ABCG1: variants seen among roughly 807,000 people sequenced by gnomAD.
ABCG1 encodes ATP-binding cassette sub-family G member 1.
In ABCG1, 29 loss-of-function variants were observed where a neutral mutation model predicts 69.2. The observed-to-expected ratio is 0.42, with a 90% confidence interval of 0.31 to 0.57. The LOEUF is 0.57. Ranked by LOEUF, ABCG1 falls within the 20% of genes least tolerant of loss-of-function variation. ABCG1 has a pLI of 0.15. For missense variants in ABCG1, 718 were observed against 898.1 expected, an observed-to-expected ratio of 0.80 and a Z score of 2.56; for synonymous variants, 370 against 374.8, an observed-to-expected ratio of 0.99 and a Z score of 0.15.
chr21:42,264,410 C>G (rs1333472934), intron 2 of ABCG1, among the ~76,000 whole-genome samples: 1 of 152,166 alleles, frequency 6.6e-6, no homozygotes, highest in African/African-American at 2.4e-5. Flanking sequence ...TCCATCCATC[C>G]TTCCATCCAT....
intron 2 of ABCG1, chr21:42,256,720 G>A: frequency 1.4e-6 from 2 of 1,403,244 alleles, no homozygotes; most frequent in Non-Finnish European, 1.9e-6. Flanking sequence ...TGGGAGCATT[G>A]CAGGAATAGG....
upstream of ABCG1, among the ~76,000 whole-genome samples, chr21:42,212,298 G>A (rs2067596526): frequency 6.6e-6 from 1 of 152,204 alleles, no homozygotes; most frequent in Non-Finnish European, 1.5e-5. Context: ...GCAGAGGCTG[G>A]AAGAGTTTAG....
chr21:42,225,768 A>G lies in ABCG1; in HGVS notation c.140A>G (p.Asp47Gly). 6.2e-7 allele frequency: 1 copy of G among 1,613,876 alleles called. No homozygotes were observed. Among genetic ancestry groups the G allele is most frequent in the Non-Finnish European group, 8.5e-7 (1 of 1,179,974 alleles). Residue 47 changes from aspartate to glycine, a missense_variant, in exon 2 of 15, where the codon GAC (aspartate) becomes GGC (glycine). By Grantham distance (94) the Asp-to-Gly change is moderately conservative. Around this residue, in one of 2 missense-constraint regions of ABCG1, gnomAD observed 514 missense variants for 574.3 expected, o/e 0.90. Coordinates refer to ENST00000398449, the MANE Select transcript of ABCG1 (RefSeq NM_016818.3). ...VSSNMEATET[D>G]LLNGHLKKVD... ...AGCAACATGGAGGCCACTGAGACGG[A>G]CCTGCTGAATGGACATCTGAAAAAA...
At chr21:42,243,445 C>CGTGTGTGTGTGT (rs1332190376) in intron 2 of ABCG1, among the ~76,000 whole-genome samples, 1 of 79,662 alleles carries the variant, frequency 1.3e-5, no homozygotes, top group Non-Finnish European at 2.9e-5. Flanking sequence ...CGTGTGTGTG[C>CGTGTGTGTGTGT]GCGTGTGTGT....
At chr21:42,265,639 C>T (rs1251454358) in intron 2 of ABCG1, among the ~76,000 whole-genome samples, 1 of 152,182 alleles carries the variant, frequency 6.6e-6, no homozygotes. Context: ...GACTTCCAGC[C>T]TCCGGGGCTG....
At chr21:42,243,453 T>C (rs8133786) in intron 2 of ABCG1, among the ~76,000 whole-genome samples, 1,881 of 109,586 alleles carry the variant, frequency 0.017, 37 homozygotes, top group African/African-American at 0.079. Context: ...TGCGCGTGTG[T>C]GTGTGTGTGT....
At chr21:42,215,490 G>C (rs1326646841), upstream of ABCG1, among the ~76,000 whole-genome samples, 11 of 152,374 alleles carry the variant, frequency 7.2e-5, no homozygotes, top group East Asian at 1.9e-3. Flanking sequence ...TCAACTGGGT[G>C]ATGCTGTTGG....
intron 5 of ABCG1, 124 bp downstream of exon 5, chr21:42,277,069 C>T (rs1038587117): frequency 6.0e-5 from 62 of 1,031,268 alleles, no homozygotes; most frequent in African/African-American, 5.6e-4. Flanking sequence ...CCTTGCCTTC[C>T]GTGTGTGGGA....
intron 2 of ABCG1, among the ~76,000 whole-genome samples, chr21:42,238,694 G>A (rs1028297848): frequency 1.3e-5 from 2 of 152,156 alleles, no homozygotes; most frequent in African/African-American, 2.4e-5. Context: ...TTTGGCTCAC[G>A]GGCGAGGTTG....
chr21:42,202,968 G>C (rs147956648), intron 2 of ABCG1, among the ~76,000 whole-genome samples: 2,219 of 152,186 alleles, frequency 0.015, 59 homozygotes, highest in African/African-American at 0.05. Context: ...CAAAAGGACA[G>C]ACACAAAGAC....
Position 42,292,086 on chromosome 21 carries a change from G to T in ABCG1, c.1653+430G>T, listed in dbSNP as rs557731490. On this transcript the variant is annotated intron_variant, in intron 13 of 14. Coordinates refer to ENST00000398449, the MANE Select transcript of ABCG1 (RefSeq NM_016818.3). ...TGTGGGGTTCCCTCGGCCTCTCCAT[G>T]GGCCCCTTCCTCCTCCCATCGCCCA... 1.3e-4 allele frequency among the ~76,000 whole-genome samples: 20 copies of T among 152,186 alleles called. No homozygotes were observed. In the South Asian group the frequency reaches 2.5e-3, roughly 19 times the overall value.
At chr21:42,282,248 A>G (rs1344312731) in intron 5 of ABCG1, 26 bp from the exon 6 acceptor site, 9 of 1,603,932 alleles carry the variant, frequency 5.6e-6, no homozygotes, top group African/African-American at 1.3e-5. Flanking sequence ...GGCAGCTCCC[A>G]ATGTCTCTCG....
At chr21:42,268,134 C>T (rs1483540219) in intron 2 of ABCG1, among the ~76,000 whole-genome samples, 5 of 152,144 alleles carry the variant, frequency 3.3e-5, no homozygotes, top group Non-Finnish European at 7.3e-5. Context: ...ACTCACTATC[C>T]CAGCCAGAAA....
intron 2 of ABCG1, among the ~76,000 whole-genome samples, chr21:42,232,301 A>G (rs536773829): frequency 1.3e-5 from 2 of 152,310 alleles, no homozygotes; most frequent in African/African-American, 2.4e-5. Context: ...TCCAGCCAGC[A>G]CATTTTCTCC....
At chr21:42,261,679 C>T (rs939184065) in intron 2 of ABCG1, among the ~76,000 whole-genome samples, 4 of 152,270 alleles carry the variant, frequency 2.6e-5, no homozygotes, top group South Asian at 4.1e-4. Flanking sequence ...GGGAAGCTGG[C>T]GGGTGAGTGA....
intron 2 of ABCG1, among the ~76,000 whole-genome samples, chr21:42,250,267 G>A (rs1240215602): frequency 1.3e-5 from 2 of 152,128 alleles, no homozygotes; most frequent in East Asian, 1.9e-4. Flanking sequence ...GTTCCCAGGG[G>A]ACAAGCAGAG....
chr21:42,232,653 C>G (rs956987970), intron 2 of ABCG1, among the ~76,000 whole-genome samples: 1 of 152,190 alleles, frequency 6.6e-6, no homozygotes, highest in Non-Finnish European at 1.5e-5. Context: ...ATCGTTTTCA[C>G]CTGCATGGTG....
intron 1 of ABCG1, 82 bp from the exon 2 acceptor site, chr21:42,225,589 T>A: frequency 1.3e-6 from 2 of 1,545,296 alleles, no homozygotes; most frequent in Non-Finnish European, 1.8e-6. Flanking sequence ...CCAATGACCC[T>A]GAGCCTCATG....
rs1392934034 is a variant in ABCG1, at chr21:42,290,122, G to A, written c.1297G>A (p.Gly433Arg). The change falls in exon 11 of 15, where the codon GGG becomes AGG. Residue 433 changes from glycine to arginine, a missense_variant. Transcript: ENST00000398449. ...CATTGGCCTGCTGTACTTGGGGATC[G>A]GGAACGAAGCCAAGAAGGTCTTGAG... ...LLIGLLYLGI[G>R]NEAKKVLSNS... The A allele has an allele frequency of 2.5e-6, 4 of 1,614,168 alleles. No individual in the cohort carries two copies. Among genetic ancestry groups the A allele is most frequent in the Non-Finnish European group, 1.7e-6 (2 of 1,180,038 alleles).
Sources: gnomAD v4.1 joint callset for allele counts (sites outside exome capture counted in the v4.1 genomes callset) on GRCh38, gnomAD v4.1.1 for gene constraint, gnomAD v4.1.1 regional missense constraint, MANE v1.5 for transcripts, NCBI Gene and HGNC (gene_info 2026-07-23, HGNC 2026-07-21) for gene names.